The following CDH20 variants were observed in gnomAD, a reference collection of about 807,000 sequenced individuals.
CDH20 encodes cadherin-20.
In CDH20, 29 loss-of-function variants were observed where a neutral mutation model predicts 74.2. The ratio of observed to expected loss-of-function variants is 0.39; its 90% confidence interval spans 0.29 to 0.53. The LOEUF (loss-of-function observed/expected upper bound fraction) is 0.53. Ranked by LOEUF, CDH20 falls within the 20% of genes least tolerant of loss-of-function variation. The pLI, the probability that CDH20 is intolerant of heterozygous loss-of-function variation, is 0.69. For synonymous variants in CDH20, 469 were observed against 405.4 expected, an observed-to-expected ratio of 1.16 and a Z score of -1.88; for missense variants, 988 against 1,048.3, an observed-to-expected ratio of 0.94 and a Z score of 0.79.
chr18:61,527,373 A>AGATT (rs1568177642), intron 6 of CDH20, among the ~76,000 whole-genome samples: 3 of 123,918 alleles, frequency 2.4e-5, no homozygotes, highest in Non-Finnish European at 5.6e-5. Context: ...TCTAATAGAT[A>AGATT]GATAGATAGA....
At chr18:61,457,481 T>C (rs1030515657) in intron 1 of CDH20, among the ~76,000 whole-genome samples, 1 of 152,056 alleles carries the variant, frequency 6.6e-6, no homozygotes, top group Non-Finnish European at 1.5e-5. Flanking sequence ...GCCCAGAATA[T>C]CCTGGTGGCA....
chr18:61,362,388 T>C (rs535783609), intron 1 of CDH20, among the ~76,000 whole-genome samples: 65 of 152,158 alleles, frequency 4.3e-4, no homozygotes, highest in Non-Finnish European at 8.2e-4. Context: ...CCTGGCCCAA[T>C]GTCCTTTCCA....
chr18:61,345,977 T>G (rs1910104278), intron 1 of CDH20, among the ~76,000 whole-genome samples: 1 of 152,212 alleles, frequency 6.6e-6, no homozygotes, highest in Admixed American at 6.5e-5. Flanking sequence ...AGGCAAGTGC[T>G]GCCAGTACCT....
At chr18:61,486,043 A>C (rs535894144) in intron 1 of CDH20, among the ~76,000 whole-genome samples, 25 of 152,054 alleles carry the variant, frequency 1.6e-4, no homozygotes, top group African/African-American at 5.8e-4. Flanking sequence ...ACTGCAGTCC[A>C]GCCTGGGCGA....
chr18:61,545,768 A>G (rs1287214493), intron 10 of CDH20, among the ~76,000 whole-genome samples: 1 of 152,238 alleles, frequency 6.6e-6, no homozygotes, highest in Non-Finnish European at 1.5e-5. Context: ...AAGAGCAAAT[A>G]CAGGACCATA....
intron 1 of CDH20, among the ~76,000 whole-genome samples, chr18:61,448,658 T>C (rs1269423652): frequency 6.6e-6 from 1 of 152,204 alleles, no homozygotes; most frequent in Non-Finnish European, 1.5e-5. Context: ...AACTCCTTTG[T>C]TTTCATGAAG....
intron 5 of CDH20, among the ~76,000 whole-genome samples, chr18:61,504,092 C>A (rs542098370): frequency 6.6e-4 from 100 of 152,226 alleles, no homozygotes; most frequent in Non-Finnish European, 1.0e-3. Context: ...TCAAAGACTC[C>A]TAAAATTAAA....
intron 1 of CDH20, among the ~76,000 whole-genome samples, chr18:61,465,660 G>A (rs1325067473): frequency 6.6e-6 from 1 of 151,770 alleles, no homozygotes; most frequent in Non-Finnish European, 1.5e-5. Flanking sequence ...AATTGTAATG[G>A]TCCATTTTGA....
At chr18:61,423,628 C>T (rs976436492) in intron 1 of CDH20, among the ~76,000 whole-genome samples, 22 of 151,832 alleles carry the variant, frequency 1.4e-4, no homozygotes, top group African/African-American at 5.3e-4. Flanking sequence ...TAACATCTAG[C>T]AGTAAAAGCC....
At chr18:61,470,950 T>C (rs1910152524) in intron 1 of CDH20, among the ~76,000 whole-genome samples, 2 of 152,054 alleles carry the variant, frequency 1.3e-5, no homozygotes, top group South Asian at 2.1e-4. Context: ...AATGAAACTG[T>C]TGGAATGAAA....
chr18:61,394,741 C>T (rs1485153858), intron 1 of CDH20, among the ~76,000 whole-genome samples: 1 of 152,064 alleles, frequency 6.6e-6, no homozygotes, highest in Non-Finnish European at 1.5e-5. Flanking sequence ...GCAACGAACT[C>T]CTCATGGCCT....
In CDH20 at chr18:61,490,646, C is replaced by T. The variant is rs140007969; in HGVS notation, c.93C>T (p.Thr31=). The T allele has an allele frequency of 3.6e-4, 579 of 1,613,974 alleles. No homozygotes were observed. The highest frequency in any genetic ancestry group is 4.7e-4 in the Non-Finnish European group (555 of 1,180,030). The change falls in exon 2 of 12, where the codon ACC becomes ACT. Residue 31 remains threonine, a synonymous_variant. Coordinates refer to ENST00000262717, the MANE Select transcript of CDH20 (RefSeq NM_031891.4). ...YFWGLMDLTT[T]VLSDTPTPQG... ...GGGGGCTGATGGACCTTACGACCAC[C>T]GTTCTCTCGGACACCCCAACACCAC...
At chr18:61,355,267 CTT>C (rs1172657064) in intron 1 of CDH20, among the ~76,000 whole-genome samples, 1 of 151,294 alleles carries the variant, frequency 6.6e-6, no homozygotes. Flanking sequence ...GCTTTTTTTT[CTT>C]TTTTCAGAAG....
intron 1 of CDH20, among the ~76,000 whole-genome samples, chr18:61,387,554 A>G (rs1331264216): frequency 6.6e-6 from 1 of 152,200 alleles, no homozygotes; most frequent in Non-Finnish European, 1.5e-5. Flanking sequence ...AGTCGGCTAA[A>G]TTTTGTGATA....
intron 1 of CDH20, among the ~76,000 whole-genome samples, chr18:61,338,293 AATTT>A (rs765204497): frequency 5.7e-4 from 86 of 152,100 alleles, no homozygotes; most frequent in Non-Finnish European, 7.6e-4. Flanking sequence ...TTTTAAAGAG[AATTT>A]TATTCTTTTT....
chr18:61,493,030 T>C (rs1911015151), intron 2 of CDH20, among the ~76,000 whole-genome samples: 1 of 152,216 alleles, frequency 6.6e-6, no homozygotes, highest in African/African-American at 2.4e-5. Flanking sequence ...TAAATAGTAC[T>C]ATAGTAGCAA....
rs567702234 is a variant in CDH20, at chr18:61,424,070, C to T, written c.-152-66332C>T. Among the ~76,000 whole-genome samples, 134 of 152,306 alleles carry T rather than the reference C, an allele frequency of 8.8e-4. 2 individuals carry two copies. The South Asian group carries it at 0.025, about 28-fold the overall frequency. The stretch of plus-strand genomic sequence containing the variant: ...CAGACTTGAGTATATGCAACAGTGT[C>T]TTCAACTCATGTTTGTTTTACTAAT... On this transcript the variant is annotated intron_variant, in intron 1 of 11. Transcript: ENST00000262717.
In CDH20 at chr18:61,337,974, T is replaced by C. The variant is rs541468194; in HGVS notation, c.-153+4147T>C. On this transcript the variant is annotated intron_variant, in intron 1 of 11. Coordinates refer to ENST00000262717, the MANE Select transcript of CDH20 (RefSeq NM_031891.4). ...GTTATAAAAGCATTATACATTAGCA[T>C]AAATATAACATAACTGTATAACATA... Among the ~76,000 whole-genome samples, 10 of 152,364 alleles carry C rather than the reference T, an allele frequency of 6.6e-5. 1 individual carries two copies. The South Asian group carries it at 1.0e-3, about 16-fold the overall frequency.
intron 1 of CDH20, among the ~76,000 whole-genome samples, chr18:61,485,634 TAGAAG>T (rs1310343384): frequency 6.6e-6 from 1 of 152,154 alleles, no homozygotes; most frequent in Non-Finnish European, 1.5e-5. Flanking sequence ...AAAATGCACT[TAGAAG>T]AGAGCCTTTA....
Sources: allele counts gnomAD v4.1 joint callset (sites outside exome capture counted in the v4.1 genomes callset), GRCh38; gene constraint gnomAD v4.1.1; transcripts MANE v1.5; gene names NCBI Gene and HGNC (gene_info 2026-07-23, HGNC 2026-07-21).